SLITRK5: variants seen among roughly 807,000 people sequenced by gnomAD.
The protein encoded by SLITRK5 is SLIT and NTRK like family member 5.
SLITRK5 carries 23 observed loss-of-function variants against 56.2 expected under a neutral mutation model. The ratio of observed to expected loss-of-function variants is 0.41; its 90% CI spans 0.29 to 0.58. The LOEUF (loss-of-function observed/expected upper bound fraction) is 0.58. SLITRK5 is among the 20% of genes least tolerant of loss of function. The pLI, the probability that SLITRK5 is intolerant of heterozygous loss-of-function variation, is 0.30. For synonymous variants in SLITRK5, 637 were observed against 531.8 expected, an observed-to-expected ratio of 1.20 and a Z score of -2.72; for missense variants, 1,289 against 1,226.6, an observed-to-expected ratio of 1.05 and a Z score of -0.76.
In SLITRK5 at chr13:87,677,605, C is replaced by T. The variant is rs1475294273; in HGVS notation, c.2217C>T (p.Pro739=). The change falls in exon 2 of 2, where the codon CCC becomes CCT. Residue 739 remains proline (P), a synonymous_variant. Transcript: ENST00000683689. The surrounding 1 kb of genome is among the most constrained non-coding windows in gnomAD (Gnocchi z 4.7). ...TGCATCACCGCGGGCCCGCGCTGCC[C>T]AAGGTGAAGACGCCCGCGGGCCACG... ...AHVHHRGPAL[P]KVKTPAGHVY... 2 of 1,609,958 alleles carry T rather than the reference C, an allele frequency of 1.2e-6. No individual in the cohort carries two copies. The highest frequency in any genetic ancestry group is 2.7e-5 in the African/African-American group (2 of 74,900).
chr13:87,673,720 C>T, intron 1 of SLITRK5: 1 of 436,980 alleles, frequency 2.3e-6, no homozygotes, highest in South Asian at 1.6e-5. Flanking sequence ...GGTGGCCACA[C>T]GTGAATGATT....
At position 87,676,732 on chromosome 13, in the gene SLITRK5, C is replaced by T. The variant is rs201640162; in HGVS notation, c.1344C>T (p.Ile448=). 2.5e-6 allele frequency: 4 copies of T among 1,614,104 alleles called. No individual in the cohort carries two copies. In the South Asian group the frequency reaches 3.3e-5, roughly 13 times the overall value. ...TGGGGAATAACCGCATCTCGATGAT[C>T]CAGGACCGCGCTTTCGGGGATCTCA... ...LHLGNNRISM[I]QDRAFGDLTN... The change falls in exon 2 of 2, where the codon ATC becomes ATT. Residue 448 remains isoleucine, a synonymous_variant. Coordinates refer to ENST00000683689, the MANE Select transcript of SLITRK5 (RefSeq NM_001384609.1).
chr13:87,674,287 G>A (rs544479394), intron 1 of SLITRK5: 3 of 571,932 alleles, frequency 5.2e-6, no homozygotes, highest in South Asian at 7.7e-5. Context: ...TTAAAAAAAA[G>A]AGAGAGGGGA....
Position 87,678,156 on chromosome 13 carries a change from T to A in SLITRK5, c.2768T>A (p.Val923Asp). Residue 923 changes from valine to aspartate, a missense_variant, in exon 2 of 2, where the codon GTC becomes GAC. Around this residue, in one of 3 missense-constraint regions of SLITRK5, gnomAD observed 985 missense variants for 906.0 expected, o/e 1.09. Transcript: ENST00000683689. ...EPVLYSPPSA[V>D]FVEPNRNEYL... ...GTGCTCTACAGCCCCCCGAGTGCTG[T>A]CTTTGTAGAACCCAACCGGAACGAA... 1.2e-6 allele frequency: 2 copies of A among 1,614,216 alleles called. No individual in the cohort carries two copies. Among genetic ancestry groups the A allele is most frequent in the Non-Finnish European group, 1.7e-6 (2 of 1,180,044 alleles).
Position 87,677,253 on chromosome 13 carries a change from C to G in SLITRK5, c.1865C>G (p.Thr622Arg), listed in dbSNP as rs34214269. 5 of 1,614,062 alleles carry G rather than the reference C, an allele frequency of 3.1e-6. No homozygotes were observed. Among genetic ancestry groups the G allele is most frequent in the Non-Finnish European group, 4.2e-6 (5 of 1,180,052 alleles). The change falls in exon 2 of 2, where the codon ACG becomes AGG. Residue 622 changes from threonine to arginine, a missense_variant. Thr to Arg is a moderately conservative substitution (Grantham distance 71). This residue lies in a region of SLITRK5 where 985 missense variants were observed against 906.0 expected (regional missense o/e 1.09). Coordinates refer to ENST00000683689, the MANE Select transcript of SLITRK5 (RefSeq NM_001384609.1). The surrounding 1 kb of genome is among the most constrained non-coding windows in gnomAD (Gnocchi z 4.7). Reference sequence around the variant, plus strand: ...GACTATTCAGATGTAGTAGTTTCCACGCCCACACCCTCCTCTATCCAGGTC... The same window carrying G: ...GACTATTCAGATGTAGTAGTTTCCAGGCCCACACCCTCCTCTATCCAGGTC... ...CPDYSDVVVS[T>R]PTPSSIQVPA... is the part of the protein sequence containing the mutation.
At chr13:87,673,845 C>T (rs997313284) in intron 1 of SLITRK5, among the ~76,000 whole-genome samples, 11 of 152,110 alleles carry the variant, frequency 7.2e-5, no homozygotes, top group African/African-American at 2.7e-4. Context: ...GTCTCGGAAA[C>T]ATCTTGGCTT....
Position 87,675,967 on chromosome 13 carries a change from C to A in SLITRK5, c.579C>A (p.Pro193=), listed in dbSNP as rs1440491408. The change falls in exon 2 of 2, where the codon CCC becomes CCA. Residue 193 remains proline, a synonymous_variant. Coordinates refer to ENST00000683689, the MANE Select transcript of SLITRK5 (RefSeq NM_001384609.1). The part of the protein sequence containing the change: ...ILNDNLLSSL[P]NNLFRFVPLT... Reference sequence around the variant, plus strand: ...ATGACAATCTTTTGTCCAGTTTACCCAACAATCTTTTCCGTTTTGTGCCCT... The same window carrying A: ...ATGACAATCTTTTGTCCAGTTTACCAAACAATCTTTTCCGTTTTGTGCCCT... 1.2e-6 allele frequency: 2 copies of A among 1,614,142 alleles called. No individual in the cohort carries two copies. Among genetic ancestry groups the A allele is most frequent in the Admixed American group, 3.3e-5 (2 of 60,028 alleles).
rs117487344 is a variant in SLITRK5, at chr13:87,677,217, T to A, written c.1829T>A (p.Leu610Gln). 3.6e-4 allele frequency: 577 copies of A among 1,614,210 alleles called. 2 individuals are homozygous for A. In the East Asian group the frequency reaches 1.0e-2, roughly 28 times the overall value. ...ETDMRSIKSE[L>Q]LCPDYSDVVV... ...GACATGCGCTCCATTAAGTCGGAGCTGCTGTGCCCTGACTATTCAGATGTA... is the reference window on the plus strand; with the variant it reads ...GACATGCGCTCCATTAAGTCGGAGCAGCTGTGCCCTGACTATTCAGATGTA... Residue 610 changes from leucine to glutamine, a missense_variant, in exon 2 of 2, where the codon CTG becomes CAG. Physicochemically the swap from Leu to Gln is moderately radical, Grantham distance 113. Transcript: ENST00000683689. The surrounding 1 kb of genome is among the most constrained non-coding windows in gnomAD (Gnocchi z 4.7).
rs770428337 is a variant in SLITRK5 at position 87,676,494 on chromosome 13, C to G, written c.1106C>G (p.Pro369Arg). ...AGCATCGCCTATCAGACCAAATCCCCGGTGCCTTTGGAGTGTCCCACCGCG... is the reference window on the plus strand; with the variant it reads ...AGCATCGCCTATCAGACCAAATCCCGGGTGCCTTTGGAGTGTCCCACCGCG... ...GPSIAYQTKS[P>R]VPLECPTACS... The change falls in exon 2 of 2, where the codon CCG (proline) becomes CGG (arginine). Residue 369 changes from proline to arginine, a missense_variant. Around this residue, in one of 3 missense-constraint regions of SLITRK5, gnomAD observed 985 missense variants for 906.0 expected, o/e 1.09. Transcript: ENST00000683689. 3.1e-6 allele frequency: 5 copies of G among 1,614,070 alleles called. No individual in the cohort carries two copies. The highest frequency in any genetic ancestry group is 3.4e-6 in the Non-Finnish European group (4 of 1,179,998).
chr13:87,675,363 T>C lies in SLITRK5; in HGVS notation c.-8-18T>C. 1 of 1,581,558 alleles carries C rather than the reference T, an allele frequency of 6.3e-7. No individual in the cohort carries two copies. The highest frequency in any genetic ancestry group is 1.4e-5 in the African/African-American group (1 of 74,044). ...TTGTCATATTCTGTTATTTCCTTGTTTTCTCTCTCCCTTACAGGAGGTAAA... is the reference window on the plus strand; with the variant it reads ...TTGTCATATTCTGTTATTTCCTTGTCTTCTCTCTCCCTTACAGGAGGTAAA... On this transcript the variant is annotated intron_variant, in intron 1 of 1. Transcript: ENST00000683689.
chr13:87,678,174 G>C lies in SLITRK5; in HGVS notation c.2786G>C (p.Arg929Pro). 1.2e-6 allele frequency: 2 copies of C among 1,614,180 alleles called. No homozygotes were observed. The highest frequency in any genetic ancestry group is 1.7e-6 in the Non-Finnish European group (2 of 1,180,020). The change falls in exon 2 of 2, where the codon CGG becomes CCG. Residue 929 changes from arginine (R) to proline (P), a missense_variant. Transcript: ENST00000683689. ...AGTGCTGTCTTTGTAGAACCCAACC[G>C]GAACGAATATCTGGAGTTAAAAGCA... is the stretch of plus-strand genomic sequence containing the variant. ...PPSAVFVEPN[R>P]NEYLELKAKL...
chr13:87,675,086 G>T (rs772152860), intron 1 of SLITRK5, among the ~76,000 whole-genome samples: 1 of 151,838 alleles, frequency 6.6e-6, no homozygotes, highest in Non-Finnish European at 1.5e-5. Flanking sequence ...TTTTGAAAAG[G>T]GGGGGAGAAG....
chr13:87,673,297 C>A (rs1877124623), intron 1 of SLITRK5, among the ~76,000 whole-genome samples: 1 of 151,942 alleles, frequency 6.6e-6, no homozygotes, highest in Admixed American at 6.6e-5. Flanking sequence ...TCCCCAGGCT[C>A]ATTCAACTTT....
chr13:87,674,395 C>T, intron 1 of SLITRK5: 1 of 985,270 alleles, frequency 1.0e-6, no homozygotes, highest in Non-Finnish European at 1.2e-6. Context: ...CAAATAGACG[C>T]GGAGCCCAAG....
chr13:87,676,088 G>C lies in SLITRK5; in HGVS notation c.700G>C (p.Glu234Gln), dbSNP rs1330572995. The change falls in exon 2 of 2, where the codon GAA becomes CAA. Residue 234 changes from glutamate to glutamine, a missense_variant. Glu to Gln is a conservative substitution (Grantham distance 29). Around this residue, in one of 3 missense-constraint regions of SLITRK5, gnomAD observed 291 missense variants for 286.7 expected, o/e 1.02. Coordinates refer to ENST00000683689, the MANE Select transcript of SLITRK5 (RefSeq NM_001384609.1). ...TAAAGTTGTGGAGCTACAGCTGGAGGAAAACCCTTGGAATTGTTCTTGTGA... is the reference window on the plus strand; with the variant it reads ...TAAAGTTGTGGAGCTACAGCTGGAGCAAAACCCTTGGAATTGTTCTTGTGA... ...MDKVVELQLEENPWNCSCELI... is the reference protein window; with the variant it reads ...MDKVVELQLEQNPWNCSCELI... 2 of 1,614,030 alleles carry C rather than the reference G, an allele frequency of 1.2e-6. No individual in the cohort carries two copies. The highest frequency in any genetic ancestry group is 1.7e-6 in the Non-Finnish European group (2 of 1,180,054).
In SLITRK5 at chr13:87,676,666, G is replaced by A. The variant is rs766497692; in HGVS notation, c.1278G>A (p.Arg426=). The part of the protein sequence containing the change: ...LTENYIAVVR[R]TDFLEATGLD... Reference sequence around the variant, plus strand: ...AGAACTACATCGCTGTCGTGCGCAGGACAGACTTCCTGGAGGCCACGGGGC... The same window carrying A: ...AGAACTACATCGCTGTCGTGCGCAGAACAGACTTCCTGGAGGCCACGGGGC... Residue 426 remains arginine, a synonymous_variant, in exon 2 of 2, where the codon AGG becomes AGA. Coordinates refer to ENST00000683689, the MANE Select transcript of SLITRK5 (RefSeq NM_001384609.1). 1 of 1,613,986 alleles carries A rather than the reference G, an allele frequency of 6.2e-7. No individual in the cohort carries two copies. Among genetic ancestry groups the A allele is most frequent in the Non-Finnish European group, 8.5e-7 (1 of 1,180,034 alleles).
chr13:87,674,305 C>A, intron 1 of SLITRK5: 1 of 712,916 alleles, frequency 1.4e-6, no homozygotes, highest in Non-Finnish European at 1.7e-6. Context: ...GGAGCGTTAA[C>A]AATTAAATGT....
In SLITRK5 at chr13:87,675,490, C is replaced by G; in HGVS notation, c.102C>G (p.Val34=). 3.7e-6 allele frequency: 6 copies of G among 1,614,160 alleles called. No individual in the cohort carries two copies. Among genetic ancestry groups the G allele is most frequent in the Non-Finnish European group, 5.1e-6 (6 of 1,180,020 alleles). ...QTLAFAVTSL[V]LSCAETIDYY... is the part of the protein sequence containing the mutation. ...TAGCGTTTGCTGTAACATCTCTCGT[C>G]CTTTCGTGTGCAGAAACCATCGATT... The change falls in exon 2 of 2, where the codon GTC becomes GTG. Residue 34 remains valine (V), a synonymous_variant. Coordinates refer to ENST00000683689, the MANE Select transcript of SLITRK5 (RefSeq NM_001384609.1).
chr13:87,676,335 T>C lies in SLITRK5; in HGVS notation c.947T>C (p.Val316Ala). The C allele has an allele frequency of 6.2e-7, 1 of 1,614,140 alleles. No individual in the cohort carries two copies. Among genetic ancestry groups the C allele is most frequent in the African/African-American group, 1.3e-5 (1 of 75,018 alleles). ...ACCACCCCGGCGTCAGTGAATTCTG[T>C]GGCCACTTCTTCCTCTGCTGTTTAC... is the stretch of plus-strand genomic sequence containing the variant. ...LHTTPASVNS[V>A]ATSSSAVYKP... Residue 316 changes from valine (V) to alanine (A), a missense_variant, in exon 2 of 2, where the codon GTG becomes GCG. By Grantham distance (64) the Val-to-Ala change is moderately conservative (BLOSUM62 0). This residue lies in a region of SLITRK5 where 985 missense variants were observed against 906.0 expected (regional missense o/e 1.09). Transcript: ENST00000683689.
Sources: allele counts gnomAD v4.1 joint callset (sites outside exome capture counted in the v4.1 genomes callset), GRCh38; gene constraint gnomAD v4.1.1; regional missense constraint gnomAD v4.1.1; non-coding constraint Gnocchi (gnomAD v3.1); transcripts MANE v1.5; gene names NCBI Gene and HGNC (gene_info 2026-07-23, HGNC 2026-07-21).